NQO2: variants seen among roughly 807,000 people sequenced by gnomAD.
NQO2 encodes N-ribosyldihydronicotinamide:quinone dehydrogenase 2, also known as ribosyldihydronicotinamide dehydrogenase [quinone].
Under a neutral mutation model 22.0 loss-of-function variants are expected in NQO2, and 18 were observed. The ratio of observed to expected loss-of-function variants is 0.82; its 90% confidence interval spans 0.56 to 1.21. The LOEUF (loss-of-function observed/expected upper bound fraction) is 1.21, where lower values mean the gene tolerates loss of function less well. Among genes scored for constraint, NQO2 ranks in the 50% most tolerant of loss-of-function variants. The probability of loss-of-function intolerance (pLI) is 0.00; values close to 1 mark genes in which losing one functional copy is unlikely to be tolerated. For missense variants in NQO2, 267 were observed against 286.9 expected (o/e 0.93, Z 0.50); for synonymous variants, 106 against 110.8 (o/e 0.96, Z 0.28).
chr6:3,010,811 T>C (rs1429895530), intron 3 of NQO2, among the ~76,000 whole-genome samples: 1 of 152,136 alleles, frequency 6.6e-6, no homozygotes, highest in Non-Finnish European at 1.5e-5. Context: ...CTAGCCAGCC[T>C]TCCCACACTA....
chr6:3,013,813 A>G (rs1012678071), intron 4 of NQO2, among the ~76,000 whole-genome samples: 1 of 152,192 alleles, frequency 6.6e-6, no homozygotes, highest in African/African-American at 2.4e-5. Flanking sequence ...TTCCTGTCCA[A>G]CTAGAAGGAA....
In NQO2 at chr6:3,006,324, C is replaced by A. The variant is rs965599642; in HGVS notation, c.-85-144C>A. Reference sequence around the variant, plus strand: ...GGCTTGTCCTCTGAGGCCTAAATCTCCAGAAGATTCCTGGCCTCTCTTGAG... The same window carrying A: ...GGCTTGTCCTCTGAGGCCTAAATCTACAGAAGATTCCTGGCCTCTCTTGAG... On this transcript the variant is annotated intron_variant, in intron 1 of 6. Coordinates refer to ENST00000380455, the MANE Select transcript of NQO2 (RefSeq NM_000904.6). This position sits in a 1 kb window ranked among gnomAD's most constrained non-coding sequence, Gnocchi z 4.0. 7 of 1,359,170 alleles carry A rather than the reference C, an allele frequency of 5.2e-6. No homozygotes were observed. The African/African-American group carries it at 1.1e-4, about 20-fold the overall frequency. 84.2% of individuals were successfully genotyped at this position (1,359,170 alleles called of 1,614,324 possible).
intron 1 of NQO2, among the ~76,000 whole-genome samples, chr6:3,000,858 T>G (rs1318716437): frequency 6.8e-6 from 1 of 147,014 alleles, no homozygotes; most frequent in African/African-American, 2.5e-5. Flanking sequence ...TTTTCTTTTT[T>G]TTTTAGAAGA....
At chr6:3,018,461 C>A (rs1757416058) in intron 6 of NQO2, among the ~76,000 whole-genome samples, 1 of 152,166 alleles carries the variant, frequency 6.6e-6, no homozygotes, top group South Asian at 2.1e-4. Flanking sequence ...GCCAGGATTG[C>A]ACCACTGCAC....
At chr6:3,005,741 G>A (rs527526407) in intron 1 of NQO2, 47 of 985,344 alleles carry the variant, frequency 4.8e-5, no homozygotes, top group African/African-American at 1.7e-4. Flanking sequence ...GAGAACTCAC[G>A]TTTTTCCAGA....
At chr6:3,000,199 C>T (rs114068063) in intron 1 of NQO2, 114 bp downstream of exon 1, 4,516 of 152,334 alleles carry the variant, frequency 0.03, 73 homozygotes, top group Non-Finnish European at 0.034. Context: ...TGTGGGTCGT[C>T]GCGCCCGGGC....
intron 4 of NQO2, 153 bp from the exon 5 acceptor site, chr6:3,015,377 C>T (rs988407498): frequency 1.7e-5 from 17 of 985,306 alleles, no homozygotes; most frequent in Non-Finnish European, 2.0e-5. Flanking sequence ...CCACACTGCA[C>T]CTTTCAGAGC....
chr6:3,017,536 C>G (rs949190260), intron 6 of NQO2, among the ~76,000 whole-genome samples: 1 of 152,236 alleles, frequency 6.6e-6, no homozygotes, highest in Non-Finnish European at 1.5e-5. Context: ...GCAGGCCCCT[C>G]CCAGGCCTGC....
chr6:3,002,852 G>T (rs541517564), intron 1 of NQO2, among the ~76,000 whole-genome samples: 1 of 151,626 alleles, frequency 6.6e-6, no homozygotes, highest in Non-Finnish European at 1.5e-5. Context: ...AGTCTGGAGT[G>T]GAGCAATCCT....
At position 3,017,026 on chromosome 6, in the gene NQO2, G is replaced by A. The variant is rs763220375; in HGVS notation, c.519+41G>A. The A allele has an allele frequency of 8.1e-6, 13 of 1,601,750 alleles. No individual in the cohort carries two copies. The South Asian group carries it at 1.0e-4, about 12-fold the overall frequency. ...GTGGCTCCCTTGCTTGTTGGCACAC[G>A]CACACACAGACACACACATGCACAC... is the stretch of plus-strand genomic sequence containing the variant. On this transcript the variant is annotated intron_variant, in intron 6 of 6. Coordinates refer to ENST00000380455, the MANE Select transcript of NQO2 (RefSeq NM_000904.6).
rs1757175961 is a variant in NQO2, at chr6:3,012,660, C to T, written c.289C>T (p.Leu97=). ...GCAGAAAAAGGTTCGGGAGGCTGACCTAGTGATATTTCAGGTTTGTTTTTC... is the reference window on the plus strand; with the variant it reads ...GCAGAAAAAGGTTCGGGAGGCTGACTTAGTGATATTTCAGGTTTGTTTTTC... ...DEQKKVREAD[L]VIFQFPLYWF... is the part of the protein sequence containing the mutation. The change falls in exon 4 of 7, where the codon CTA becomes TTA. Residue 97 remains leucine (L), a synonymous_variant. Coordinates refer to ENST00000380455, the MANE Select transcript of NQO2 (RefSeq NM_000904.6). 1.9e-6 allele frequency: 3 copies of T among 1,613,234 alleles called. No homozygotes were observed. Among genetic ancestry groups the T allele is most frequent in the East Asian group, 4.5e-5 (2 of 44,878 alleles).
At chr6:3,005,661 T>G (rs761805733) in intron 1 of NQO2, 1 of 985,304 alleles carries the variant, frequency 1.0e-6, no homozygotes. Flanking sequence ...GGAGTCTCCT[T>G]GTATCTCCCA....
At position 3,015,629 on chromosome 6, in the gene NQO2, T is replaced by G; in HGVS notation, c.403T>G (p.Ser135Ala). The G allele has an allele frequency of 6.2e-7, 1 of 1,614,148 alleles. No homozygotes were observed. Among genetic ancestry groups the G allele is most frequent in the Non-Finnish European group, 8.5e-7 (1 of 1,180,024 alleles). The change falls in exon 5 of 7, where the codon TCC becomes GCC. Residue 135 changes from serine to alanine, a missense_variant. By Grantham distance (99) the Ser-to-Ala change is moderately conservative. Transcript: ENST00000380455. ...CTTTGACATCCCAGGATTCTACGATTCCGGTTTGCTCCAGGTATGTGCTCT... is the reference window on the plus strand; with the variant it reads ...CTTTGACATCCCAGGATTCTACGATGCCGGTTTGCTCCAGGTATGTGCTCT... ...FAFDIPGFYD[S>A]GLLQGKLALL...
intron 1 of NQO2, among the ~76,000 whole-genome samples, chr6:3,002,733 T>C (rs892867356): frequency 1.3e-5 from 2 of 151,310 alleles, no homozygotes; most frequent in Admixed American, 6.6e-5. Flanking sequence ...TGACTGCATC[T>C]ACCACCATCC....
intron 1 of NQO2, among the ~76,000 whole-genome samples, chr6:3,002,562 G>A (rs746056138): frequency 6.6e-6 from 1 of 151,810 alleles, no homozygotes; most frequent in South Asian, 2.1e-4. Context: ...CCCCCACCTC[G>A]GCCCCCCAAA....
intron 6 of NQO2, 52 bp downstream of exon 6, chr6:3,017,037 C>T: frequency 6.3e-7 from 1 of 1,585,472 alleles, no homozygotes; most frequent in Non-Finnish European, 8.6e-7. Flanking sequence ...CACACACAGA[C>T]ACACACATGC....
Position 2,999,932 on chromosome 6 carries a change from T to C in NQO2, c.-239T>C. 6.6e-6 allele frequency: 1 copy of C among 152,370 alleles called. No individual in the cohort carries two copies. The highest frequency in any genetic ancestry group is 1.5e-5 in the Non-Finnish European group (1 of 68,120). The allele number at this position is 152,370 out of a possible 1,614,324, so 9.4% of individuals were successfully genotyped here. On this transcript the variant is annotated 5_prime_UTR_variant, in exon 1 of 7. Transcript: ENST00000380455. ...TGCTTAGGTTGGCACCGGTCCGTGGTCCCCGGGGGCGCAGTCGCAGCGCTC... is the reference window on the plus strand; with the variant it reads ...TGCTTAGGTTGGCACCGGTCCGTGGCCCCCGGGGGCGCAGTCGCAGCGCTC...
rs374978384 is a variant in NQO2 at position 3,006,487 on chromosome 6, A to T, written c.-66A>T. 1 of 1,611,852 alleles carries T rather than the reference A, an allele frequency of 6.2e-7. No homozygotes were observed. Among genetic ancestry groups the T allele is most frequent in the Non-Finnish European group, 8.5e-7 (1 of 1,179,016 alleles). ...TTCCAGATTGCTGGACTCGCTGAAG[A>T]GAGACTACGCAGGAAAGCCCCAGCC... is the stretch of plus-strand genomic sequence containing the variant. On this transcript the variant is annotated 5_prime_UTR_variant, in exon 2 of 7. Transcript: ENST00000380455. This position sits in a 1 kb window ranked among gnomAD's most constrained non-coding sequence, Gnocchi z 4.0.
At chr6:3,004,765 C>T (rs1756883586) in intron 1 of NQO2, 1 of 405,004 alleles carries the variant, frequency 2.5e-6, no homozygotes, top group Non-Finnish European at 3.3e-6. Flanking sequence ...TGTCTTCACA[C>T]TAAGCCCTAG....
Sources: gnomAD v4.1 joint callset for allele counts (sites outside exome capture counted in the v4.1 genomes callset) on GRCh38, gnomAD v4.1.1 for gene constraint, Gnocchi (gnomAD v3.1) non-coding constraint, MANE v1.5 for transcripts, NCBI Gene and HGNC (gene_info 2026-07-23, HGNC 2026-07-21) for gene names.